Variants in BRF1 observed in about 807,000 individuals in gnomAD.
BRF1 encodes the protein transcription factor IIIB 90 kDa subunit.
A neutral mutation model predicts 81.7 loss-of-function variants in BRF1; 59 were observed. The ratio of observed to expected loss-of-function variants is 0.72; its 90% CI spans 0.59 to 0.90. The LOEUF (loss-of-function observed/expected upper bound fraction) is 0.90. Among genes scored for constraint, BRF1 ranks in the 40% least tolerant of loss-of-function variants. The pLI, the probability that BRF1 is intolerant of heterozygous loss-of-function variation, is 0.00. For missense variants in BRF1, 1,050 were observed against 936.3 expected, an observed-to-expected ratio of 1.12 and a Z score of -1.58; for synonymous variants, 491 against 395.6, an observed-to-expected ratio of 1.24 and a Z score of -2.86.
rs2057244413 is a variant in BRF1 at position 105,284,581 on chromosome 14, C to G, written c.265+1715G>C. ...TCCACACTAAGGCTGCAGGACATGG[C>G]TGCACCGATCACAAGAATCCCTCAC... is the stretch of plus-strand genomic sequence containing the variant. On this transcript the variant is annotated intron_variant, in intron 2 of 17. Coordinates refer to ENST00000547530, the MANE Select transcript of BRF1 (RefSeq NM_001519.4). This position sits in a 1 kb window ranked among gnomAD's most constrained non-coding sequence, Gnocchi z 4.0. Among the ~76,000 whole-genome samples the G allele has an allele frequency of 6.6e-6, 1 of 152,206 alleles. No individual in the cohort carries two copies. The highest frequency in any genetic ancestry group is 1.5e-5 in the Non-Finnish European group (1 of 68,040).
intron 2 of BRF1, among the ~76,000 whole-genome samples, chr14:105,276,183 C>T (rs71423838): frequency 1.0e-3 from 6 of 5,746 alleles, no homozygotes; most frequent in Admixed American, 1.1e-3. Context: ...GAGAAGGAGC[C>T]GAGAGGCGGC....
At chr14:105,304,820 C>T (rs2058138538), upstream of BRF1, among the ~76,000 whole-genome samples, 1 of 152,218 alleles carries the variant, frequency 6.6e-6, no homozygotes, top group Admixed American at 6.5e-5. Context: ...CAGGGAAACT[C>T]CCTCTTATAA....
In BRF1 at chr14:105,219,478, A is replaced by C. The variant is rs1314192280; in HGVS notation, c.1378-246T>G. 9 of 772,330 alleles carry C rather than the reference A, an allele frequency of 1.2e-5. No individual in the cohort carries two copies. The African/African-American group carries it at 1.2e-4, about 11-fold the overall frequency. The allele number at this position is 772,330 out of a possible 1,614,324, so 47.8% of individuals were successfully genotyped here. ...TGTGAGACCCCCTAGGGCAGCTTGC[A>C]AGCCCTGCCGGCACCAGGACCCTGG... is the stretch of plus-strand genomic sequence containing the variant. On this transcript the variant is annotated intron_variant, in intron 12 of 17. Transcript: ENST00000547530.
intron 3 of BRF1, among the ~76,000 whole-genome samples, chr14:105,272,068 C>T (rs1287207223): frequency 1.4e-4 from 10 of 71,974 alleles, no homozygotes; most frequent in Non-Finnish European, 3.0e-4. Context: ...CCCCGCCCAC[C>T]GCCTGCAGTC....
intron 11 of BRF1, 98 bp downstream of exon 11, chr14:105,221,550 G>A (rs755670481): frequency 4.5e-5 from 67 of 1,484,706 alleles, no homozygotes; most frequent in Admixed American, 2.9e-4. Flanking sequence ...CACACCTCCC[G>A]ACAGAGGATG....
chr14:105,280,937 G>C (rs28656368), intron 2 of BRF1, among the ~76,000 whole-genome samples: 5,382 of 78,176 alleles, frequency 0.069, 3 homozygotes, highest in Non-Finnish European at 0.075. Flanking sequence ...TGTGTGGACA[G>C]AGCCTGCGTG....
chr14:105,308,521 C>T (rs1055252020), intron 1 of BRF1, among the ~76,000 whole-genome samples: 7 of 137,098 alleles, frequency 5.1e-5, no homozygotes, highest in African/African-American at 1.4e-4. Flanking sequence ...CTTGCTCTGT[C>T]GTCCGGGCTG....
intron 5 of BRF1, chr14:105,247,615 T>C (rs1437146627): frequency 6.1e-6 from 6 of 985,092 alleles, no homozygotes; most frequent in African/African-American, 1.7e-5. Context: ...TGTTCACTGT[T>C]TAGCCCAGGA....
chr14:105,313,472 G>C (rs2140723211), intron 1 of BRF1, among the ~76,000 whole-genome samples: 1 of 152,344 alleles, frequency 6.6e-6, no homozygotes, highest in East Asian at 1.9e-4. Flanking sequence ...GGGAAACACA[G>C]AGTCCCTTGT....
intron 3 of BRF1, among the ~76,000 whole-genome samples, chr14:105,270,120 G>A (rs902428129): frequency 2.6e-5 from 4 of 152,098 alleles, no homozygotes; most frequent in Admixed American, 2.6e-4. Flanking sequence ...AAAGGCACAC[G>A]TGTGCTTTAA....
At chr14:105,297,729 G>A (rs957491437) in intron 1 of BRF1, among the ~76,000 whole-genome samples, 9 of 152,144 alleles carry the variant, frequency 5.9e-5, no homozygotes, top group African/African-American at 1.9e-4. Context: ...CGGTGCAGTG[G>A]CTCACGCTGG....
rs1007804145 is a variant in BRF1 at position 105,271,698 on chromosome 14, C to T, written c.439+1023G>A. Among the ~76,000 whole-genome samples the T allele has an allele frequency of 6.6e-6, 1 of 152,202 alleles. No individual in the cohort carries two copies. Among genetic ancestry groups the T allele is most frequent in the East Asian group, 1.9e-4 (1 of 5,196 alleles). ...GGCTCTGGGCTCCCTGTCAAGAGGC[C>T]GAAGGCAGCTCCTGACCCATGTGTG... On this transcript the variant is annotated intron_variant, in intron 3 of 17. Transcript: ENST00000547530. The surrounding 1 kb of genome is among the most constrained non-coding windows in gnomAD (Gnocchi z 5.5).
rs115440765 is a variant in BRF1, at chr14:105,224,834, C to T, written c.1048+1235G>A. ...TGCTGCGATTACAGGCATGAACCAC[C>T]ATGCTTGACCCACTCCCTAGTCTTA... On this transcript the variant is annotated intron_variant, in intron 10 of 17. Transcript: ENST00000547530. Among the ~76,000 whole-genome samples the T allele has an allele frequency of 6.7e-3, 1,023 of 152,334 alleles. 10 individuals carry two copies. Among genetic ancestry groups the T allele is most frequent in the African/African-American group, 0.024 (986 of 41,584 alleles).
intron 15 of BRF1, among the ~76,000 whole-genome samples, chr14:105,215,806 T>C (rs1486283514): frequency 5.6e-5 from 6 of 106,958 alleles, no homozygotes; most frequent in Admixed American, 1.1e-4. Flanking sequence ...ACACACTGCA[T>C]ACACAGGCAC....
chr14:105,279,094 A>G (rs1566859821), intron 2 of BRF1, among the ~76,000 whole-genome samples: 2 of 152,130 alleles, frequency 1.3e-5, no homozygotes, highest in Admixed American at 6.6e-5. Context: ...ACGTGATCCC[A>G]ACTACTCGGG....
At chr14:105,216,409 C>A (rs1197482351) in intron 15 of BRF1, among the ~76,000 whole-genome samples, 1 of 152,210 alleles carries the variant, frequency 6.6e-6, no homozygotes, top group Non-Finnish European at 1.5e-5. Context: ...TTCACCTCTG[C>A]CCCACTGACC....
intron 3 of BRF1, among the ~76,000 whole-genome samples, chr14:105,257,070 G>C (rs1487645777): frequency 6.6e-6 from 1 of 152,120 alleles, no homozygotes; most frequent in African/African-American, 2.4e-5. Flanking sequence ...GAGCCTGCAG[G>C]CGCCACTGGG....
intron 2 of BRF1, among the ~76,000 whole-genome samples, chr14:105,273,674 C>T (rs1212451691): frequency 6.6e-6 from 1 of 152,166 alleles, no homozygotes; most frequent in African/African-American, 2.4e-5. Flanking sequence ...TAGGGCTGTG[C>T]AGGACGTGCC....
At chr14:105,216,923 C>T (rs2141422526) in intron 15 of BRF1, among the ~76,000 whole-genome samples, 1 of 152,332 alleles carries the variant, frequency 6.6e-6, no homozygotes, top group African/African-American at 2.4e-5. Flanking sequence ...CACAGGCCCC[C>T]AAGACGCAGC....
Sources: gnomAD v4.1 joint callset for allele counts (sites outside exome capture counted in the v4.1 genomes callset) on GRCh38, gnomAD v4.1.1 for gene constraint, Gnocchi (gnomAD v3.1) non-coding constraint, MANE v1.5 for transcripts, NCBI Gene and HGNC (gene_info 2026-07-23, HGNC 2026-07-21) for gene names.